CBL: variants seen among roughly 807,000 people sequenced by gnomAD.
CBL encodes the protein Cbl proto-oncogene.
CBL carries 45 observed loss-of-function variants against 96.9 expected under a neutral mutation model. The ratio of observed to expected loss-of-function variants is 0.46; its 90% CI spans 0.37 to 0.60. The LOEUF is 0.60. Among genes scored for constraint, CBL ranks in the 20% least tolerant of loss-of-function variants. The pLI is 0.00. For missense variants in CBL, 1,024 were observed against 1,143.5 expected (o/e 0.90, Z 1.51); for synonymous variants, 420 against 426.8 (o/e 0.98, Z 0.20).
intron 1 of CBL, among the ~76,000 whole-genome samples, chr11:119,221,748 CAGAG>C (rs974330543): frequency 4.9e-5 from 7 of 142,484 alleles, no homozygotes; most frequent in Non-Finnish European, 7.5e-5. Context: ...GCCTGGGCAA[CAGAG>C]AGAGACTCCG....
chr11:119,238,982 T>C (rs567641741), intron 2 of CBL, among the ~76,000 whole-genome samples: 2 of 152,280 alleles, frequency 1.3e-5, no homozygotes, highest in South Asian at 4.1e-4. Context: ...GTCTTTGTTG[T>C]TTTAGACAGA....
Position 119,284,934 on chromosome 11 carries a change from C to T in CBL, c.1432-35C>T, listed in dbSNP as rs548581059. The T allele has an allele frequency of 7.4e-6, 12 of 1,612,874 alleles. No individual in the cohort carries two copies. The African/African-American group carries it at 9.3e-5, about 13-fold the overall frequency. On this transcript the variant is annotated intron_variant, in intron 9 of 15. Coordinates refer to ENST00000264033, the MANE Select transcript of CBL (RefSeq NM_005188.4). Reference sequence around the variant, plus strand: ...AGTTGAAAGATGCCATTTCCCCAAACGAAAGTAATCTGTTAAATTTTTTAT... The same window carrying T: ...AGTTGAAAGATGCCATTTCCCCAAATGAAAGTAATCTGTTAAATTTTTTAT...
chr11:119,227,427 C>T (rs564822102), intron 1 of CBL, among the ~76,000 whole-genome samples: 2 of 152,298 alleles, frequency 1.3e-5, no homozygotes, highest in South Asian at 4.1e-4. Context: ...TCTGCTGTAG[C>T]TGGCTTTTTT....
chr11:119,259,611 T>TA (rs919276072), intron 2 of CBL, among the ~76,000 whole-genome samples: 7 of 152,160 alleles, frequency 4.6e-5, no homozygotes, highest in Non-Finnish European at 1.0e-4. Flanking sequence ...TTATGATAGA[T>TA]ACCACTGGAT....
At position 119,299,695 on chromosome 11, in the gene CBL, G is replaced by T. The variant is rs776316491; in HGVS notation, c.2635G>T (p.Val879Phe). Reference protein sequence around the residue: ...YSYQDIQKALVIAQNNIEMAK... With the variant: ...YSYQDIQKALFIAQNNIEMAK... ...CTACCAGGACATCCAGAAAGCTTTG[G>T]TCATTGCCCAGAACAACATCGAGAT... is the stretch of plus-strand genomic sequence containing the variant. Residue 879 changes from valine (V) to phenylalanine (F), a missense_variant, in exon 16 of 16, where the codon GTC (valine) becomes TTC (phenylalanine). Around this residue, in one of 4 missense-constraint regions of CBL, gnomAD observed 23 missense variants for 42.7 expected, o/e 0.54. Coordinates refer to ENST00000264033, the MANE Select transcript of CBL (RefSeq NM_005188.4). 1.9e-6 allele frequency: 3 copies of T among 1,614,144 alleles called. No homozygotes were observed. Among genetic ancestry groups the T allele is most frequent in the Non-Finnish European group, 2.5e-6 (3 of 1,180,026 alleles).
intron 1 of CBL, among the ~76,000 whole-genome samples, chr11:119,221,750 G>A (rs1949413504): frequency 6.8e-6 from 1 of 147,372 alleles, no homozygotes; most frequent in Admixed American, 6.8e-5. Flanking sequence ...CTGGGCAACA[G>A]AGAGAGACTC....
intron 2 of CBL, among the ~76,000 whole-genome samples, chr11:119,265,234 T>C (rs1229879695): frequency 6.6e-6 from 1 of 152,216 alleles, no homozygotes; most frequent in Non-Finnish European, 1.5e-5. Flanking sequence ...TTAAATACCA[T>C]ATAAACTTTT....
chr11:119,245,835 G>A (rs1004880078), intron 2 of CBL, among the ~76,000 whole-genome samples: 1 of 151,086 alleles, frequency 6.6e-6, no homozygotes, highest in Non-Finnish European at 1.5e-5. Context: ...AAATTTTTTT[G>A]TGGAGATGGG....
At chr11:119,261,568 A>T (rs1326917177) in intron 2 of CBL, among the ~76,000 whole-genome samples, 2 of 152,152 alleles carry the variant, frequency 1.3e-5, no homozygotes, top group Non-Finnish European at 2.9e-5. Context: ...GGGAGAGGGT[A>T]TGAGAAGTTT....
intron 12 of CBL, among the ~76,000 whole-genome samples, chr11:119,290,273 T>G (rs1222492795): frequency 2.0e-5 from 3 of 152,074 alleles, no homozygotes; most frequent in African/African-American, 4.8e-5. Context: ...CTCGAACTTC[T>G]GGGCTCAAGA....
At chr11:119,261,884 A>G (rs891956523) in intron 2 of CBL, among the ~76,000 whole-genome samples, 9 of 152,252 alleles carry the variant, frequency 5.9e-5, no homozygotes, top group Admixed American at 3.3e-4. Flanking sequence ...ACTGAAAACT[A>G]AAGATACTAA....
Position 119,283,329 on chromosome 11 carries a change from T to TA in CBL, c.1432-1637dup, listed in dbSNP as rs1949952595. 1.3e-5 allele frequency among the ~76,000 whole-genome samples: 2 copies of TA among 152,350 alleles called. 1 individual carries two copies. Among genetic ancestry groups the TA allele is most frequent in the South Asian group, 4.1e-4 (2 of 4,830 alleles). ...TAAGCATGTGGATAAAGCAAAGAGT[T>TA]AAAGATGAGAGCTTTTCTGTCATCC... On this transcript the variant is annotated intron_variant, in intron 9 of 15. Transcript: ENST00000264033.
At chr11:119,208,229 A>C (rs973044713) in intron 1 of CBL, among the ~76,000 whole-genome samples, 1 of 152,086 alleles carries the variant, frequency 6.6e-6, no homozygotes, top group African/African-American at 2.4e-5. Flanking sequence ...CTTTTTAGGG[A>C]TTTATCGTTA....
rs745521971 is a variant in CBL, at chr11:119,232,474, G to A, written c.222G>A (p.Lys74=). Residue 74 remains lysine (K), a synonymous_variant, in exon 2 of 16, where the codon AAG becomes AAA. Transcript: ENST00000264033. ...TGGTGCGGTTGTGTCAGAACCCAAAGCTGGCGCTAAAGAATAGCCCACCTT... is the reference window on the plus strand; with the variant it reads ...TGGTGCGGTTGTGTCAGAACCCAAAACTGGCGCTAAAGAATAGCCCACCTT... ...DKVVRLCQNP[K]LALKNSPPYI... 1 of 1,613,910 alleles carries A rather than the reference G, an allele frequency of 6.2e-7. No homozygotes were observed.
intron 2 of CBL, among the ~76,000 whole-genome samples, chr11:119,261,016 G>A (rs1033049372): frequency 2.8e-5 from 4 of 141,378 alleles, no homozygotes; most frequent in Admixed American, 7.2e-5. Context: ...AGGTTCAAGC[G>A]ATTCTGATGC....
At chr11:119,270,430 A>ATG (rs1949835691) in intron 2 of CBL, among the ~76,000 whole-genome samples, 1 of 52,218 alleles carries the variant, frequency 1.9e-5, no homozygotes, top group Non-Finnish European at 3.3e-5. Context: ...ATATATATAT[A>ATG]TATATATTTT....
At chr11:119,213,476 A>G (rs914371232) in intron 1 of CBL, among the ~76,000 whole-genome samples, 11 of 152,240 alleles carry the variant, frequency 7.2e-5, no homozygotes, top group South Asian at 2.1e-4. Context: ...AAATGTGTCA[A>G]TATTTTTTCT....
intron 1 of CBL, among the ~76,000 whole-genome samples, chr11:119,217,505 A>G (rs983186926): frequency 3.9e-5 from 6 of 152,200 alleles, no homozygotes; most frequent in Non-Finnish European, 7.3e-5. Context: ...TTTATCATGA[A>G]TTCAGATCAA....
At chr11:119,298,574 A>G (rs754276944) in intron 15 of CBL, 34 bp downstream of exon 15, 14 of 1,581,222 alleles carry the variant, frequency 8.9e-6, no homozygotes, top group Admixed American at 1.7e-5. Flanking sequence ...TTTGTCCTGA[A>G]TGGCAGTGTG....
Sources: allele counts gnomAD v4.1 joint callset (sites outside exome capture counted in the v4.1 genomes callset), GRCh38; gene constraint gnomAD v4.1.1; regional missense constraint gnomAD v4.1.1; transcripts MANE v1.5; gene names NCBI Gene and HGNC (gene_info 2026-07-23, HGNC 2026-07-21).